Variants in KIF6 observed in about 807,000 individuals in gnomAD.
KIF6 encodes the protein kinesin-like protein KIF6.
KIF6 carries 106 observed loss-of-function variants against 112.7 expected under a neutral mutation model. The ratio of observed to expected loss-of-function variants is 0.94; its 90% CI spans 0.80 to 1.11. KIF6 has a LOEUF of 1.11. Among genes scored for constraint, KIF6 ranks in the 50% least tolerant of loss-of-function variants. KIF6 has a pLI of 0.00. For missense variants in KIF6, 929 were observed against 964.0 expected (o/e 0.96, Z 0.48); for synonymous variants, 339 against 339.9 (o/e 1.00, Z 0.03).
chr6:39,639,519 A>G (rs1784798694), intron 4 of KIF6, 91 bp downstream of exon 4: 2 of 1,085,902 alleles, frequency 1.8e-6, no homozygotes, highest in Admixed American at 3.1e-5. Context: ...TTTAGACACA[A>G]TAAAATACAT....
At chr6:39,678,744 C>T (rs918187215) in intron 3 of KIF6, among the ~76,000 whole-genome samples, 1 of 152,178 alleles carries the variant, frequency 6.6e-6, no homozygotes, top group Non-Finnish European at 1.5e-5. Context: ...TTTTCCTAAA[C>T]CTCAGACATA....
intron 10 of KIF6, among the ~76,000 whole-genome samples, chr6:39,558,453 G>A (rs1420763081): frequency 6.6e-6 from 1 of 151,378 alleles, no homozygotes; most frequent in African/African-American, 2.4e-5. Context: ...ATTTGTTTCA[G>A]GAAGTCTTAA....
At chr6:39,402,782 G>C (rs1452095206) in intron 15 of KIF6, among the ~76,000 whole-genome samples, 4 of 152,052 alleles carry the variant, frequency 2.6e-5, no homozygotes, top group East Asian at 1.9e-4. Flanking sequence ...CTGAGGCTGG[G>C]GACTCTCCTA....
intron 13 of KIF6, among the ~76,000 whole-genome samples, chr6:39,505,706 A>G (rs1776384118): frequency 6.6e-6 from 1 of 152,218 alleles, no homozygotes; most frequent in Non-Finnish European, 1.5e-5. Flanking sequence ...ATGAACAGAC[A>G]CTTCTCAAAA....
At chr6:39,437,753 G>A (rs1387287960) in intron 13 of KIF6, among the ~76,000 whole-genome samples, 1 of 152,146 alleles carries the variant, frequency 6.6e-6, no homozygotes, top group African/African-American at 2.4e-5. Context: ...TCAATCAATG[G>A]TGAACTGCAT....
chr6:39,643,421 T>C (rs1249911540), intron 3 of KIF6, among the ~76,000 whole-genome samples: 1 of 152,174 alleles, frequency 6.6e-6, no homozygotes, highest in Non-Finnish European at 1.5e-5. Flanking sequence ...TTTCAAAACC[T>C]ACTACAAAGC....
chr6:39,486,513 G>A lies in KIF6; in HGVS notation c.1645+53490C>T, dbSNP rs545239097. Among the ~76,000 whole-genome samples the A allele has an allele frequency of 5.3e-5, 8 of 152,240 alleles. No individual in the cohort carries two copies. The East Asian group carries it at 1.5e-3, about 29-fold the overall frequency. The stretch of plus-strand genomic sequence containing the variant: ...AAATTCCCAATACACAAAATCATGA[G>A]CTATAATAAAATGATTGCTGCTTTA... On this transcript the variant is annotated intron_variant, in intron 13 of 22. Coordinates refer to ENST00000287152, the MANE Select transcript of KIF6 (RefSeq NM_145027.6).
chr6:39,685,094 G>C (rs1787777593), intron 3 of KIF6, among the ~76,000 whole-genome samples: 1 of 152,158 alleles, frequency 6.6e-6, no homozygotes, highest in Non-Finnish European at 1.5e-5. Context: ...CACAGAAATG[G>C]GAAATAGCTA....
At chr6:39,521,561 T>C (rs990101399) in intron 13 of KIF6, among the ~76,000 whole-genome samples, 16 of 152,098 alleles carry the variant, frequency 1.1e-4, no homozygotes, top group African/African-American at 3.6e-4. Context: ...GATGAGTATG[T>C]GAGGACCATA....
chr6:39,624,787 G>A (rs992024152), intron 5 of KIF6, among the ~76,000 whole-genome samples: 5 of 151,550 alleles, frequency 3.3e-5, no homozygotes, highest in Non-Finnish European at 7.4e-5. Context: ...CCAGATATAC[G>A]AGTGAAAACA....
chr6:39,613,446 G>A lies in KIF6; in HGVS notation c.510-128C>T, dbSNP rs201412920. 268 of 512,230 alleles carry A rather than the reference G, an allele frequency of 5.2e-4. 1 individual carries two copies. The East Asian group carries it at 8.3e-3, about 16-fold the overall frequency. The allele number at this position is 512,230 out of a possible 1,614,324, so 31.7% of individuals were successfully genotyped here. Reference sequence around the variant, plus strand: ...ACTTATAAAAGCAAATAACACACAAGATACCAGACAGCACTGGATTAGAAT... The same window carrying A: ...ACTTATAAAAGCAAATAACACACAAAATACCAGACAGCACTGGATTAGAAT... On this transcript the variant is annotated intron_variant, in intron 5 of 22. Coordinates refer to ENST00000287152, the MANE Select transcript of KIF6 (RefSeq NM_145027.6).
chr6:39,525,503 C>G (rs943981869), intron 13 of KIF6, among the ~76,000 whole-genome samples: 9 of 152,140 alleles, frequency 5.9e-5, no homozygotes, highest in African/African-American at 1.9e-4. Context: ...GCCTGTACTC[C>G]CAGCACTTTG....
intron 13 of KIF6, among the ~76,000 whole-genome samples, chr6:39,451,160 A>T (rs1277248303): frequency 6.6e-6 from 1 of 152,206 alleles, no homozygotes; most frequent in Non-Finnish European, 1.5e-5. Flanking sequence ...ACTATATGTC[A>T]GTTACTATTC....
intron 10 of KIF6, among the ~76,000 whole-genome samples, chr6:39,548,495 T>G (rs978607577): frequency 6.6e-6 from 1 of 152,262 alleles, no homozygotes; most frequent in African/African-American, 2.4e-5. Context: ...TGACATGCTA[T>G]TTTGCTTTCA....
At chr6:39,611,842 A>G (rs1339872293) in intron 6 of KIF6, among the ~76,000 whole-genome samples, 3 of 152,210 alleles carry the variant, frequency 2.0e-5, no homozygotes, top group Admixed American at 6.5e-5. Flanking sequence ...TTCGATTATT[A>G]TGACAAATAA....
At chr6:39,539,422 C>A (rs905012479) in intron 13 of KIF6, among the ~76,000 whole-genome samples, 1 of 152,126 alleles carries the variant, frequency 6.6e-6, no homozygotes, top group Non-Finnish European at 1.5e-5. Flanking sequence ...TGGCTCACTG[C>A]AACCTCCACC....
intron 3 of KIF6, among the ~76,000 whole-genome samples, chr6:39,649,368 A>G (rs1785340572): frequency 6.6e-6 from 1 of 152,188 alleles, no homozygotes; most frequent in Admixed American, 6.5e-5. Context: ...GAATATCTAG[A>G]TTAGAAATAG....
rs758595774 is a variant in KIF6 at position 39,596,032 on chromosome 6, C to T, written c.846+22G>A. The T allele has an allele frequency of 2.5e-6, 4 of 1,582,856 alleles. No individual in the cohort carries two copies. The South Asian group carries it at 4.4e-5, about 18-fold the overall frequency. On this transcript the variant is annotated intron_variant, in intron 7 of 22. Coordinates refer to ENST00000287152, the MANE Select transcript of KIF6 (RefSeq NM_145027.6). ...CACATGGTAGCTATAGTTATTAATA[C>T]ATCCCACTCTGCCCATTTTACCTGT...
intron 15 of KIF6, among the ~76,000 whole-genome samples, chr6:39,401,697 G>T (rs1442134498): frequency 6.6e-6 from 1 of 152,024 alleles, no homozygotes; most frequent in Non-Finnish European, 1.5e-5. Context: ...TGCTCTCGGG[G>T]GAGTGGGTAG....
Sources: gnomAD v4.1 joint callset for allele counts (sites outside exome capture counted in the v4.1 genomes callset) on GRCh38, gnomAD v4.1.1 for gene constraint, MANE v1.5 for transcripts, NCBI Gene and HGNC (gene_info 2026-07-23, HGNC 2026-07-21) for gene names.